Variants in LRBA observed in about 807,000 individuals in gnomAD.
LRBA encodes LPS responsive beige-like anchor protein.
In LRBA, 176 loss-of-function variants were observed where a neutral mutation model predicts 330.0. That is an observed-to-expected ratio of 0.53 (90% CI 0.47 to 0.60). The LOEUF (loss-of-function observed/expected upper bound fraction) is 0.60, where lower values mean the gene tolerates loss of function less well. Ranked by LOEUF, LRBA falls within the 20% of genes least tolerant of loss-of-function variation. The pLI is 0.00. For synonymous variants in LRBA, 1,230 were observed against 1,193.0 expected (o/e 1.03, Z -0.64); for missense variants, 3,259 against 3,444.8 (o/e 0.95, Z 1.35).
chr4:150,960,032 T>C (rs1479541729), intron 2 of LRBA, among the ~76,000 whole-genome samples: 1 of 148,250 alleles, frequency 6.7e-6, no homozygotes, highest in Middle Eastern at 3.2e-3. Context: ...GGGCTACCGG[T>C]GTGTACCACC....
intron 35 of LRBA, among the ~76,000 whole-genome samples, chr4:150,739,436 G>C (rs886584932): frequency 6.6e-6 from 1 of 152,062 alleles, no homozygotes; most frequent in African/African-American, 2.4e-5. Context: ...TATGTTCTTT[G>C]ATACATTTCA....
chr4:150,854,453 C>T (rs1175269159), intron 22 of LRBA, among the ~76,000 whole-genome samples: 1 of 152,150 alleles, frequency 6.6e-6, no homozygotes, highest in African/African-American at 2.4e-5. Context: ...ATTTACTGAA[C>T]ATCGGTAGCA....
chr4:150,569,677 G>T (rs1504783), intron 40 of LRBA, among the ~76,000 whole-genome samples: 1 of 151,924 alleles, frequency 6.6e-6, no homozygotes, highest in African/African-American at 2.4e-5. Flanking sequence ...TTATTTTCCA[G>T]TCGGTAATTA....
At chr4:150,348,312 T>C (rs1164491019) in intron 48 of LRBA, among the ~76,000 whole-genome samples, 1 of 152,216 alleles carries the variant, frequency 6.6e-6, no homozygotes, top group African/African-American at 2.4e-5. Context: ...TTTTTAATCA[T>C]GAAAACATTG....
chr4:150,464,417 T>C (rs562000025), intron 44 of LRBA, among the ~76,000 whole-genome samples: 1 of 152,228 alleles, frequency 6.6e-6, no homozygotes, highest in Admixed American at 6.5e-5. Context: ...GTTTTTATTA[T>C]TGACCTACTG....
intron 22 of LRBA, among the ~76,000 whole-genome samples, chr4:150,855,288 C>T (rs1240274041): frequency 6.6e-6 from 1 of 152,074 alleles, no homozygotes; most frequent in Non-Finnish European, 1.5e-5. Flanking sequence ...GGTTAGCCTA[C>T]TTTTTGGAAA....
intron 30 of LRBA, among the ~76,000 whole-genome samples, chr4:150,826,790 T>C (rs1746346014): frequency 6.6e-6 from 1 of 152,118 alleles, no homozygotes; most frequent in East Asian, 1.9e-4. Context: ...ACACATGGCA[T>C]TCTTAGGAAA....
chr4:150,740,385 A>G (rs1731782192), intron 35 of LRBA, among the ~76,000 whole-genome samples: 1 of 152,136 alleles, frequency 6.6e-6, no homozygotes, highest in Admixed American at 6.5e-5. Flanking sequence ...TTTAGAAGAT[A>G]AAGTTAACAG....
intron 51 of LRBA, among the ~76,000 whole-genome samples, chr4:150,313,363 A>G (rs1009457113): frequency 1.3e-5 from 2 of 152,174 alleles, no homozygotes; most frequent in Admixed American, 1.3e-4. Context: ...CTTAGATTCT[A>G]TTGGATATAT....
chr4:150,985,069 C>T (rs1485762396), intron 2 of LRBA, among the ~76,000 whole-genome samples: 1 of 152,056 alleles, frequency 6.6e-6, no homozygotes, highest in Non-Finnish European at 1.5e-5. Context: ...ACCAGCCTGG[C>T]CAACATGGCG....
At chr4:150,972,694 A>G (rs890894991) in intron 2 of LRBA, among the ~76,000 whole-genome samples, 2 of 152,226 alleles carry the variant, frequency 1.3e-5, no homozygotes, top group African/African-American at 4.8e-5. Context: ...CTACTTTAAG[A>G]CTAAAGCAAT....
chr4:150,593,186 A>T (rs1581766703), intron 38 of LRBA, among the ~76,000 whole-genome samples: 1 of 152,228 alleles, frequency 6.6e-6, no homozygotes, highest in East Asian at 1.9e-4. Context: ...AATTATAATA[A>T]ATTATTATTT....
At chr4:150,699,273 C>T (rs547244483) in intron 36 of LRBA, among the ~76,000 whole-genome samples, 1 of 152,020 alleles carries the variant, frequency 6.6e-6, no homozygotes, top group East Asian at 1.9e-4. Context: ...ACTGCCTGTT[C>T]AAGAGTGTGG....
At chr4:150,733,314 T>C (rs1444890046) in intron 36 of LRBA, among the ~76,000 whole-genome samples, 1 of 152,076 alleles carries the variant, frequency 6.6e-6, no homozygotes, top group African/African-American at 2.4e-5. Flanking sequence ...TTGATAACTG[T>C]ACCAGATTAA....
chr4:150,374,823 T>A (rs1740992298), intron 47 of LRBA, among the ~76,000 whole-genome samples: 1 of 152,194 alleles, frequency 6.6e-6, no homozygotes, highest in African/African-American at 2.4e-5. Context: ...TTCTTAAGTA[T>A]GTGAATGAGA....
At chr4:150,546,884 C>T (rs1463570836) in intron 40 of LRBA, among the ~76,000 whole-genome samples, 1 of 152,058 alleles carries the variant, frequency 6.6e-6, no homozygotes, top group Non-Finnish European at 1.5e-5. Context: ...AACAGATTTT[C>T]TAAGGAACTA....
intron 22 of LRBA, among the ~76,000 whole-genome samples, chr4:150,865,692 T>C (rs1055059456): frequency 6.6e-6 from 1 of 151,636 alleles, no homozygotes; most frequent in African/African-American, 2.4e-5. Flanking sequence ...CCTAGAAACA[T>C]GTAATTAGGA....
At chr4:150,926,382 T>G (rs926550071) in intron 4 of LRBA, among the ~76,000 whole-genome samples, 9 of 152,188 alleles carry the variant, frequency 5.9e-5, no homozygotes, top group South Asian at 4.1e-4. Context: ...GCCTGAATAG[T>G]AAAACTAAAC....
At chr4:150,831,676 A>G (rs1578924928) in intron 29 of LRBA, 141 bp downstream of exon 29, 3 of 525,808 alleles carry the variant, frequency 5.7e-6, no homozygotes, top group Non-Finnish European at 9.1e-6. Flanking sequence ...CACAACTTTT[A>G]GTTAATAATA....
Sources: gnomAD v4.1 joint callset for allele counts (sites outside exome capture counted in the v4.1 genomes callset) on GRCh38, gnomAD v4.1.1 for gene constraint, MANE v1.5 for transcripts, NCBI Gene and HGNC (gene_info 2026-07-23, HGNC 2026-07-21) for gene names.